The following NKAIN2 variants were observed in gnomAD, a reference collection of about 807,000 sequenced individuals.
The protein encoded by NKAIN2 is sodium/potassium transporting ATPase interacting 2.
In NKAIN2, 14 loss-of-function variants were observed where a neutral mutation model predicts 32.6. That is an observed-to-expected ratio of 0.43 (90% CI 0.28 to 0.67). The LOEUF (loss-of-function observed/expected upper bound fraction) is 0.67. NKAIN2 is among the 30% of genes least tolerant of loss of function. The pLI is 0.17. For synonymous variants in NKAIN2, 80 were observed against 87.2 expected, an observed-to-expected ratio of 0.92 and a Z score of 0.46; for missense variants, 198 against 258.3, an observed-to-expected ratio of 0.77 and a Z score of 1.60.
chr6:124,502,723 A>G (rs1434876777), intron 3 of NKAIN2, among the ~76,000 whole-genome samples: 1 of 151,988 alleles, frequency 6.6e-6, no homozygotes, highest in Admixed American at 6.5e-5. Context: ...CTATTTCTTT[A>G]TTAATCCATT....
intron 4 of NKAIN2, among the ~76,000 whole-genome samples, chr6:124,701,077 C>T (rs747647582): frequency 2.0e-5 from 3 of 149,968 alleles, no homozygotes; most frequent in African/African-American, 2.5e-5. Context: ...TTTATTCATA[C>T]ACTGTGATCA....
intron 1 of NKAIN2, among the ~76,000 whole-genome samples, chr6:123,973,278 T>A (rs1778419850): frequency 6.6e-6 from 1 of 152,062 alleles, no homozygotes; most frequent in Non-Finnish European, 1.5e-5. Flanking sequence ...CAGCTTATTA[T>A]TAACAGTTAG....
chr6:124,199,158 T>A (rs1299116088), intron 1 of NKAIN2, among the ~76,000 whole-genome samples: 1 of 152,210 alleles, frequency 6.6e-6, no homozygotes, highest in Non-Finnish European at 1.5e-5. Flanking sequence ...AGGATTTTGC[T>A]TGGCACAAAC....
intron 3 of NKAIN2, among the ~76,000 whole-genome samples, chr6:124,561,547 A>G (rs1780691395): frequency 6.6e-6 from 1 of 152,198 alleles, no homozygotes; most frequent in Admixed American, 6.5e-5. Context: ...TCAATTCTTC[A>G]TATAACAAGA....
At chr6:124,085,944 A>G (rs944509390) in intron 1 of NKAIN2, among the ~76,000 whole-genome samples, 1 of 151,948 alleles carries the variant, frequency 6.6e-6, no homozygotes, top group African/African-American at 2.4e-5. Context: ...TATTTTCCCT[A>G]CTAGGTAATG....
chr6:124,785,028 T>C (rs1372606030), intron 4 of NKAIN2, among the ~76,000 whole-genome samples: 2 of 152,128 alleles, frequency 1.3e-5, no homozygotes, highest in African/African-American at 2.4e-5. Context: ...ACTTTTTCAG[T>C]GCTGACCTAC....
chr6:124,746,748 CA>C (rs1777472087), intron 4 of NKAIN2, among the ~76,000 whole-genome samples: 1 of 151,802 alleles, frequency 6.6e-6, no homozygotes, highest in Non-Finnish European at 1.5e-5. Flanking sequence ...AGAAATTTTT[CA>C]ATGCCAAGAA....
rs191846352 is a variant in NKAIN2 at position 124,186,264 on chromosome 6, A to G, written c.55-96741A>G. The stretch of plus-strand genomic sequence containing the variant: ...AGGAAAGAAAGAAAAGAAAAAAGAA[A>G]AGAAAAGGAGAAAGAAAGAGAGAGA... On this transcript the variant is annotated intron_variant, in intron 1 of 6. Coordinates refer to ENST00000368417, the MANE Select transcript of NKAIN2 (RefSeq NM_001040214.3). 3.9e-3 allele frequency among the ~76,000 whole-genome samples: 593 copies of G among 152,184 alleles called. 2 individuals carry two copies. The highest frequency in any genetic ancestry group is 7.0e-3 in the Non-Finnish European group (479 of 67,988).
intron 3 of NKAIN2, among the ~76,000 whole-genome samples, chr6:124,365,960 A>T (rs1216313594): frequency 6.6e-6 from 1 of 152,008 alleles, no homozygotes; most frequent in Non-Finnish European, 1.5e-5. Context: ...CTAAAAAAAA[A>T]ACTTGGTGGT....
intron 3 of NKAIN2, chr6:124,490,417 T>TG: frequency 4.8e-6 from 2 of 412,920 alleles, no homozygotes; most frequent in Non-Finnish European, 4.7e-6. Context: ...TAGAGGTTTT[T>TG]TTTTTTTTTT....
intron 1 of NKAIN2, among the ~76,000 whole-genome samples, chr6:123,980,705 AAG>A (rs1430726694): frequency 4.5e-5 from 4 of 88,572 alleles, no homozygotes; most frequent in Non-Finnish European, 1.2e-4. Flanking sequence ...TTGAATGTTC[AAG>A]TCAGATGTGT....
chr6:124,799,972 G>T (rs1780178491), intron 5 of NKAIN2, among the ~76,000 whole-genome samples: 1 of 152,066 alleles, frequency 6.6e-6, no homozygotes, highest in Non-Finnish European at 1.5e-5. Context: ...CAGAAAAGTG[G>T]GGTGATTTTT....
rs532752863 is a variant in NKAIN2, at chr6:124,599,677, T to A, written c.274-58509T>A. Among the ~76,000 whole-genome samples the A allele has an allele frequency of 7.2e-4, 110 of 152,274 alleles. 1 individual carries two copies. Among genetic ancestry groups the A allele is most frequent in the African/African-American group, 2.6e-3 (106 of 41,568 alleles). ...TGTCGTTTTTATAAAAGGTGCTCTT[T>A]GCTCTTCTGTGAATATCATTGAATG... On this transcript the variant is annotated intron_variant, in intron 3 of 6. Transcript: ENST00000368417.
At chr6:124,347,110 A>C (rs1798464153) in intron 2 of NKAIN2, among the ~76,000 whole-genome samples, 1 of 152,210 alleles carries the variant, frequency 6.6e-6, no homozygotes, top group South Asian at 2.1e-4. Flanking sequence ...GTTTGGCTGG[A>C]TATGAAATTC....
chr6:124,157,669 T>C (rs1208846147), intron 1 of NKAIN2, among the ~76,000 whole-genome samples: 1 of 152,178 alleles, frequency 6.6e-6, no homozygotes, highest in African/African-American at 2.4e-5. Context: ...TTTTAAACTT[T>C]CCCATTAAGT....
At position 124,587,696 on chromosome 6, in the gene NKAIN2, A is replaced by G. The variant is rs113676689; in HGVS notation, c.274-70490A>G. Among the ~76,000 whole-genome samples, 501 of 152,326 alleles carry G rather than the reference A, an allele frequency of 3.3e-3. 1 individual carries two copies. Among genetic ancestry groups the G allele is most frequent in the Non-Finnish European group, 5.0e-3 (342 of 68,024 alleles). On this transcript the variant is annotated intron_variant, in intron 3 of 6. Transcript: ENST00000368417. ...AGTCTGAACAATGCTCTCTGCAGGT[A>G]GACCACAAGAGACGGGTGATGGAAG...
intron 1 of NKAIN2, among the ~76,000 whole-genome samples, chr6:124,232,170 C>T (rs1792496430): frequency 6.6e-6 from 1 of 152,146 alleles, no homozygotes; most frequent in African/African-American, 2.4e-5. Flanking sequence ...TCTAATTTCC[C>T]AGCCTTTTCT....
intron 1 of NKAIN2, among the ~76,000 whole-genome samples, chr6:124,043,287 T>A (rs1470875372): frequency 6.6e-6 from 1 of 151,968 alleles, no homozygotes; most frequent in Non-Finnish European, 1.5e-5. Context: ...TGAGCTGAGA[T>A]CGCACCATTG....
At chr6:124,393,167 T>A (rs1431517357) in intron 3 of NKAIN2, among the ~76,000 whole-genome samples, 1 of 152,114 alleles carries the variant, frequency 6.6e-6, no homozygotes, top group Non-Finnish European at 1.5e-5. Context: ...GAAATCCAGG[T>A]TTAGTCTGAG....
Sources: allele counts gnomAD v4.1 joint callset (sites outside exome capture counted in the v4.1 genomes callset), GRCh38; gene constraint gnomAD v4.1.1; transcripts MANE v1.5; gene names NCBI Gene and HGNC (gene_info 2026-07-23, HGNC 2026-07-21).